Variants in XKR4 observed in about 807,000 individuals in gnomAD.
XKR4 encodes the protein XK related 4.
Under a neutral mutation model 53.9 loss-of-function variants are expected in XKR4, and 12 were observed. The observed-to-expected ratio is 0.22, with a 90% CI of 0.14 to 0.36. The LOEUF (loss-of-function observed/expected upper bound fraction) is 0.36, where lower values mean the gene tolerates loss of function less well. Ranked by LOEUF, XKR4 falls within the 10% of genes least tolerant of loss-of-function variation. The probability of loss-of-function intolerance (pLI) is 1.00; values close to 1 mark genes in which losing one functional copy is unlikely to be tolerated. For missense variants in XKR4, 799 were observed against 859.5 expected, an observed-to-expected ratio of 0.93 and a Z score of 0.88; for synonymous variants, 354 against 362.4, an observed-to-expected ratio of 0.98 and a Z score of 0.26.
chr8:55,454,800 G>A (rs1805532252), intron 2 of XKR4: 1 of 771,496 alleles, frequency 1.3e-6, no homozygotes. Context: ...GGGCAGATGG[G>A]CAGGCTCTGT....
At position 55,177,900 on chromosome 8, in the gene XKR4, G is replaced by A. The variant is rs151243458; in HGVS notation, c.806+74606G>A. 6.6e-5 allele frequency among the ~76,000 whole-genome samples: 10 copies of A among 152,136 alleles called. No individual in the cohort carries two copies. The East Asian group carries it at 1.7e-3, about 26-fold the overall frequency. ...AGTCCCCTTTCCTCAAATGCCACTG[G>A]CCAGAGCTGTGTAGGCAGCCAAGGA... On this transcript the variant is annotated intron_variant, in intron 1 of 2. Coordinates refer to ENST00000327381, the MANE Select transcript of XKR4 (RefSeq NM_052898.2).
At position 55,102,741 on chromosome 8, in the gene XKR4, G is replaced by C. The variant is rs777376926; in HGVS notation, c.253G>C (p.Gly85Arg). The change falls in exon 1 of 3, where the codon GGC becomes CGC. Residue 85 changes from glycine to arginine, a missense_variant. Gly to Arg is a moderately radical substitution (Grantham distance 125, BLOSUM62 -2). Transcript: ENST00000327381. This position sits in a 1 kb window ranked among gnomAD's most constrained non-coding sequence, Gnocchi z 5.1. ...CTCGGGCGGCTCCGGCGGCGTCGCC[G>C]GCCCGGGCGGCGGCGGGGCGGGCTC... ...AGSGGSGGVA[G>R]PGGGGAGSAA... 5.8e-6 allele frequency: 7 copies of C among 1,207,010 alleles called. No homozygotes were observed. The African/African-American group carries it at 9.6e-5, about 17-fold the overall frequency. 74.8% of individuals were successfully genotyped at this position (1,207,010 alleles called of 1,614,324 possible). A position where few individuals can be genotyped will look rare whatever the true frequency, so the allele number is the denominator to read the frequency against.
intron 1 of XKR4, among the ~76,000 whole-genome samples, chr8:55,122,948 C>T (rs1219942872): frequency 6.7e-6 from 1 of 149,318 alleles, no homozygotes; most frequent in Admixed American, 6.6e-5. Flanking sequence ...GTGGATTGAG[C>T]TTCATGGGGT....
At chr8:55,337,261 G>C (rs1258698482) in intron 1 of XKR4, among the ~76,000 whole-genome samples, 1 of 152,058 alleles carries the variant, frequency 6.6e-6, no homozygotes, top group Admixed American at 6.5e-5. Flanking sequence ...ATCAACATGG[G>C]GGTTTCTGGA....
chr8:55,267,166 G>T (rs1329929364), intron 1 of XKR4, among the ~76,000 whole-genome samples: 1 of 152,048 alleles, frequency 6.6e-6, no homozygotes, highest in East Asian at 1.9e-4. Flanking sequence ...GAAAATCAAT[G>T]GAGCTAATTC....
chr8:55,110,322 G>T, intron 1 of XKR4, among the ~76,000 whole-genome samples: 1 of 152,166 alleles, frequency 6.6e-6, no homozygotes, highest in South Asian at 2.1e-4. Flanking sequence ...GGTGTCCTTG[G>T]TAAGTGACAG....
At chr8:55,290,130 AT>A (rs1203712190) in intron 1 of XKR4, among the ~76,000 whole-genome samples, 3,628 of 137,818 alleles carry the variant, frequency 0.026, 97 homozygotes, top group African/African-American at 0.084. Context: ...CTTTAATTTA[AT>A]TTTTTTTTTT....
At chr8:55,398,882 T>A (rs561520447) in intron 2 of XKR4, among the ~76,000 whole-genome samples, 1 of 152,356 alleles carries the variant, frequency 6.6e-6, no homozygotes, top group African/African-American at 2.4e-5. Flanking sequence ...TTTCGAATAT[T>A]ATCATCTGAA....
intron 1 of XKR4, among the ~76,000 whole-genome samples, chr8:55,170,449 CCAGGCAG>C (rs1417213055): frequency 1.3e-5 from 2 of 152,022 alleles, no homozygotes; most frequent in African/African-American, 2.4e-5. Flanking sequence ...TGTGGTGGCC[CCAGGCAG>C]CAGGCAAGGA....
chr8:55,514,128 A>G (rs1306493595), intron 2 of XKR4, among the ~76,000 whole-genome samples: 1 of 152,182 alleles, frequency 6.6e-6, no homozygotes, highest in Non-Finnish European at 1.5e-5. Context: ...CACTTCTCTA[A>G]TCCTCAGTTT....
chr8:55,425,653 G>A (rs76166704), intron 2 of XKR4, among the ~76,000 whole-genome samples: 2,653 of 152,122 alleles, frequency 0.017, 28 homozygotes, highest in Middle Eastern at 0.037. Flanking sequence ...CGTTACCCAC[G>A]TGAGAAACCT....
chr8:55,300,417 T>C (rs1343613557), intron 1 of XKR4, among the ~76,000 whole-genome samples: 2 of 152,086 alleles, frequency 1.3e-5, no homozygotes, highest in Non-Finnish European at 2.9e-5. Flanking sequence ...TTCTGGGTGA[T>C]GACTAGTTCA....
In XKR4 at chr8:55,337,982, T is replaced by C. The variant is rs1222367893; in HGVS notation, c.807-19696T>C. On this transcript the variant is annotated intron_variant, in intron 1 of 2. Coordinates refer to ENST00000327381, the MANE Select transcript of XKR4 (RefSeq NM_052898.2). ...TGCTATGAACAGCATGTCTCCCATA[T>C]TGTCTCTTGCCTAAGCTGACTGGAA... 3.3e-5 allele frequency among the ~76,000 whole-genome samples: 5 copies of C among 152,340 alleles called. No homozygotes were observed. The East Asian group carries it at 9.6e-4, about 29-fold the overall frequency.
At chr8:55,296,807 C>A (rs1437015397) in intron 1 of XKR4, among the ~76,000 whole-genome samples, 1 of 152,072 alleles carries the variant, frequency 6.6e-6, no homozygotes, top group Admixed American at 6.6e-5. Flanking sequence ...TCATACTCAC[C>A]ACAACTGTTG....
chr8:55,123,372 G>C (rs1163614228), intron 1 of XKR4, among the ~76,000 whole-genome samples: 1 of 152,186 alleles, frequency 6.6e-6, no homozygotes, highest in Non-Finnish European at 1.5e-5. Flanking sequence ...GGCATATGAT[G>C]CCCAGGACGT....
chr8:55,355,096 G>T (rs1803779423), intron 1 of XKR4, among the ~76,000 whole-genome samples: 1 of 151,848 alleles, frequency 6.6e-6, no homozygotes, highest in Admixed American at 6.6e-5. Flanking sequence ...TAGAGAGGGG[G>T]TTTCATCATA....
At chr8:55,373,033 C>T (rs578183682) in intron 2 of XKR4, among the ~76,000 whole-genome samples, 21 of 152,168 alleles carry the variant, frequency 1.4e-4, no homozygotes, top group Non-Finnish European at 3.1e-4. Flanking sequence ...TGCAGAAGGA[C>T]AGGGCCTGCT....
intron 2 of XKR4, among the ~76,000 whole-genome samples, chr8:55,406,946 C>T (rs571591516): frequency 1.3e-5 from 2 of 152,298 alleles, no homozygotes; most frequent in South Asian, 4.2e-4. Context: ...TGGAACTATC[C>T]AATACCTTAT....
intron 1 of XKR4, among the ~76,000 whole-genome samples, chr8:55,289,658 GAA>G (rs1302177444): frequency 3.3e-5 from 2 of 60,234 alleles, no homozygotes; most frequent in African/African-American, 1.2e-4. Flanking sequence ...AGGAAGGAAG[GAA>G]AAGAAAAGAA....
Sources: gnomAD v4.1 joint callset for allele counts (sites outside exome capture counted in the v4.1 genomes callset) on GRCh38, gnomAD v4.1.1 for gene constraint, Gnocchi (gnomAD v3.1) non-coding constraint, MANE v1.5 for transcripts, NCBI Gene and HGNC (gene_info 2026-07-23, HGNC 2026-07-21) for gene names.